ACTR3C: variants seen among roughly 807,000 people sequenced by gnomAD.
ACTR3C encodes the protein actin related protein 3C, also known as actin-related protein 3C.
ACTR3C carries 18 observed loss-of-function variants against 26.3 expected under a neutral mutation model. The observed-to-expected ratio is 0.68, with a 90% CI of 0.47 to 1.01. The LOEUF is 1.01. Among genes scored for constraint, ACTR3C ranks in the 50% least tolerant of loss-of-function variants. ACTR3C has a pLI of 0.00. For synonymous variants in ACTR3C, 55 were observed against 94.5 expected (o/e 0.58, Z 2.42); for missense variants, 184 against 250.7 (o/e 0.73, Z 1.80).
In ACTR3C at chr7:150,263,426, C is replaced by G. The variant is rs1309463118; in HGVS notation, c.565-14372G>C. ...AGAATTGTTGGCCTGGAAAATAGAT[C>G]TGGAGAAAGTACAATGTTGCCGCTT... On this transcript the variant is annotated intron_variant, in intron 6 of 7. Transcript: ENST00000683684. Among the ~76,000 whole-genome samples, 14 of 151,200 alleles carry G rather than the reference C, an allele frequency of 9.3e-5. No individual in the cohort carries two copies. The East Asian group carries it at 2.7e-3, about 29-fold the overall frequency.
chr7:149,956,132 A>G, the ACTR3C span, among the ~76,000 whole-genome samples: 1 of 152,250 alleles, frequency 6.6e-6, no homozygotes, highest in African/African-American at 2.4e-5. Context: ...TGTTATTATT[A>G]GAAATGAGGC....
At chr7:150,042,620 G>C in the ACTR3C span, among the ~76,000 whole-genome samples, 1 of 150,714 alleles carries the variant, frequency 6.6e-6, no homozygotes, top group Non-Finnish European at 1.5e-5. Context: ...CAAGAGCCAG[G>C]GGGTAAGAGG....
the ACTR3C span, chr7:150,040,485 C>T: frequency 1.3e-5 from 2 of 148,394 alleles, no homozygotes; most frequent in African/African-American, 2.6e-5. Flanking sequence ...CATACAAAGG[C>T]TTGGCTAATA....
the ACTR3C span, among the ~76,000 whole-genome samples, chr7:150,164,727 T>C: frequency 3.3e-5 from 5 of 151,844 alleles, no homozygotes; most frequent in Non-Finnish European, 7.4e-5. Context: ...AATCAGCCAA[T>C]ATTTTGTTTG....
At chr7:150,026,725 A>G in the ACTR3C span, among the ~76,000 whole-genome samples, 4 of 152,114 alleles carry the variant, frequency 2.6e-5, no homozygotes, top group Non-Finnish European at 5.9e-5. Flanking sequence ...AGAATTTTGC[A>G]TGACCTCATT....
chr7:150,206,361 A>G, the ACTR3C span, among the ~76,000 whole-genome samples: 1 of 152,170 alleles, frequency 6.6e-6, no homozygotes, highest in Admixed American at 6.5e-5. Context: ...GAGAAGACAG[A>G]GTCCTGTGTT....
chr7:150,098,707 A>G, the ACTR3C span, among the ~76,000 whole-genome samples: 22 of 151,908 alleles, frequency 1.4e-4, 1 homozygote, highest in African/African-American at 5.3e-4. Context: ...GGCACAGACA[A>G]TGAAACCTGT....
chr7:149,966,294 T>A, the ACTR3C span, among the ~76,000 whole-genome samples: 1 of 152,200 alleles, frequency 6.6e-6, no homozygotes, highest in Non-Finnish European at 1.5e-5. Context: ...ATGTGAGATC[T>A]GAGGCAGGGC....
At chr7:150,127,426 T>C in the ACTR3C span, among the ~76,000 whole-genome samples, 1 of 152,142 alleles carries the variant, frequency 6.6e-6, no homozygotes, top group Non-Finnish European at 1.5e-5. Flanking sequence ...TTACTGAATG[T>C]TTGAAAAGAA....
chr7:150,047,613 T>A, the ACTR3C span: 1 of 1,033,174 alleles, frequency 9.7e-7, no homozygotes, highest in African/African-American at 1.8e-5. Context: ...TCTTACGTCC[T>A]CCTTGTCACC....
At chr7:149,912,652 G>A in the ACTR3C span, among the ~76,000 whole-genome samples, 1 of 151,826 alleles carries the variant, frequency 6.6e-6, no homozygotes, top group Non-Finnish European at 1.5e-5. Context: ...ACAGGCGCCT[G>A]CCACCACACC....
At chr7:150,133,082 G>A in the ACTR3C span, among the ~76,000 whole-genome samples, 1 of 152,070 alleles carries the variant, frequency 6.6e-6, no homozygotes, top group Non-Finnish European at 1.5e-5. Context: ...TTGTGAAAGA[G>A]AATTAAAACT....
At chr7:150,111,897 G>T in the ACTR3C span, among the ~76,000 whole-genome samples, 2 of 151,156 alleles carry the variant, frequency 1.3e-5, no homozygotes, top group Admixed American at 1.3e-4. Context: ...CTCCCGGCGC[G>T]CTGGCCCGCC....
At chr7:150,148,302 C>G in the ACTR3C span, among the ~76,000 whole-genome samples, 1 of 151,932 alleles carries the variant, frequency 6.6e-6, no homozygotes, top group Non-Finnish European at 1.5e-5. Context: ...CGTGGTGAAA[C>G]CCTGTCTCTA....
chr7:150,202,343 G>A, the ACTR3C span, among the ~76,000 whole-genome samples: 1 of 151,988 alleles, frequency 6.6e-6, no homozygotes, highest in Non-Finnish European at 1.5e-5. Flanking sequence ...AACTTTTATT[G>A]TTTTTATAAT....
chr7:150,195,325 T>C, the ACTR3C span, among the ~76,000 whole-genome samples: 1 of 151,958 alleles, frequency 6.6e-6, no homozygotes, highest in Non-Finnish European at 1.5e-5. Flanking sequence ...ACTAATTTTA[T>C]TTTCCTTTAT....
At chr7:150,035,520 C>T in the ACTR3C span, among the ~76,000 whole-genome samples, 286 of 117,160 alleles carry the variant, frequency 2.4e-3, no homozygotes, top group Non-Finnish European at 4.2e-3. Flanking sequence ...AGTCCCCACT[C>T]TCGTGGGGGG....
At chr7:149,892,811 A>G in the ACTR3C span, among the ~76,000 whole-genome samples, 1,470 of 144,392 alleles carry the variant, frequency 0.01, 25 homozygotes, top group African/African-American at 0.035. Context: ...AATGTCTATA[A>G]TAAGACTCTA....
the ACTR3C span, among the ~76,000 whole-genome samples, chr7:150,095,679 A>C: frequency 6.7e-6 from 1 of 149,830 alleles, no homozygotes; most frequent in African/African-American, 2.5e-5. Flanking sequence ...AGGAATGCAC[A>C]GAAAAAGACA....
Sources: gnomAD v4.1 joint callset for allele counts (sites outside exome capture counted in the v4.1 genomes callset) on GRCh38, gnomAD v4.1.1 for gene constraint, MANE v1.5 for transcripts, NCBI Gene and HGNC (gene_info 2026-07-23, HGNC 2026-07-21) for gene names.